Variants in FAM9B observed in about 807,000 individuals in gnomAD.
FAM9B encodes protein FAM9B.
FAM9B carries 18 observed loss-of-function variants against 16.6 expected under a neutral mutation model. That is an observed-to-expected ratio of 1.09 (90% CI 0.75 to 1.61). The LOEUF is 1.61. Among genes scored for constraint, FAM9B ranks in the 40% most tolerant of loss-of-function variants. FAM9B has a pLI of 0.00. For synonymous variants in FAM9B, 43 were observed against 42.6 expected (o/e 1.01, Z -0.03); for missense variants, 155 against 136.0 (o/e 1.14, Z -0.70).
At position 9,027,874 on chromosome X, in the gene FAM9B, G is replaced by A. The variant is rs140708668; in HGVS notation, c.486C>T (p.Phe162=). Residue 162 remains phenylalanine (F), a synonymous_variant, in exon 7 of 9, where the codon TTC becomes TTT. Transcript: ENST00000327220. ...LKEMKLLRDQ[F]VKALEDFEDL... is the part of the protein sequence containing the mutation. ...GTTACCAAATAGAACAGACCTTTAC[G>A]AATTGGTCACGTAGCAGCTTCATCT... 31 of 1,203,996 alleles carry A rather than the reference G, an allele frequency of 2.6e-5. No homozygotes were observed. In the African/African-American group the frequency reaches 4.9e-4, roughly 19 times the overall value.
intron 5 of FAM9B, among the ~76,000 whole-genome samples, chrX:9,029,868 T>G (rs1019488677): frequency 8.9e-6 from 1 of 112,341 alleles, no homozygotes; most frequent in African/African-American, 3.2e-5. Context: ...GAAAACAATT[T>G]AACTAAAATA....
At chrX:9,032,774 C>T (rs1366782117) in intron 2 of FAM9B, 185 bp downstream of exon 2, 6 of 639,545 alleles carry the variant, frequency 9.4e-6, no homozygotes, top group African/African-American at 6.7e-5. Flanking sequence ...GAGCCTTCCA[C>T]GGGGAAGCCT....
intron 1 of FAM9B, among the ~76,000 whole-genome samples, chrX:9,033,512 TGTC>T (rs1921156255): frequency 9.3e-6 from 1 of 107,391 alleles, no homozygotes; most frequent in African/African-American, 3.4e-5. Flanking sequence ...TGTCCTGTCC[TGTC>T]GGGCGGCCAG....
intron 1 of FAM9B, 45 bp downstream of exon 1, chrX:9,033,807 G>A: frequency 1.3e-6 from 1 of 751,617 alleles, no homozygotes; most frequent in Non-Finnish European, 1.6e-6. Flanking sequence ...GGTTCCCAGA[G>A]GGCCTCGTGC....
intron 7 of FAM9B, among the ~76,000 whole-genome samples, chrX:9,025,904 T>C (rs906526611): frequency 2.7e-5 from 3 of 110,683 alleles, no homozygotes; most frequent in Admixed American, 9.6e-5. Context: ...TGAAATATTA[T>C]ATTTTTTTTC....
Position 9,032,951 on chromosome X carries a change from G to A in FAM9B, c.28+8C>T, listed in dbSNP as rs1338505051. The A allele has an allele frequency of 5.0e-6, 6 of 1,209,921 alleles. No homozygotes were observed. In the East Asian group the frequency reaches 1.2e-4, roughly 24 times the overall value. ...ACCTTCTTCTGGGTCCCCTTGGGCT[G>A]TATTTACCTGCATGCTTCTTCCCCC... On this transcript the variant is annotated splice_region_variant and intron_variant, in intron 2 of 8. Coordinates refer to ENST00000327220, the MANE Select transcript of FAM9B (RefSeq NM_205849.3).
intron 6 of FAM9B, 65 bp downstream of exon 6, chrX:9,029,242 A>G: frequency 7.6e-6 from 7 of 920,741 alleles, no homozygotes; most frequent in Non-Finnish European, 1.1e-5. Flanking sequence ...GGATTTCTGC[A>G]TGAACTATTA....
intron 1 of FAM9B, 157 bp downstream of exon 1, chrX:9,033,695 A>AAACC: frequency 1.5e-5 from 1 of 65,862 alleles, no homozygotes; most frequent in Non-Finnish European, 1.8e-5. Context: ...ACCCCAGCCC[A>AAACC]CCCTAGCCCA....
chrX:9,033,991 G>C lies in FAM9B; in HGVS notation c.-229C>G, dbSNP rs978917449. 47 of 566,307 alleles carry C rather than the reference G, an allele frequency of 8.3e-5. No individual in the cohort carries two copies. The highest frequency in any genetic ancestry group is 9.8e-5 in the Non-Finnish European group (46 of 469,376). The allele number at this position is 566,307 out of a possible 1,213,427, so 46.7% of individuals were successfully genotyped here. A position where few individuals can be genotyped will look rare whatever the true frequency, so the allele number is the denominator to read the frequency against. ...GGAGGCGGAGGTTGCAGTGAGCCCA[G>C]ATCACACCACTGCACTGCAGCCTAG... On this transcript the variant is annotated 5_prime_UTR_variant, in exon 1 of 9. In the 5' UTR this introduces an upstream ATG that the reference lacks. Coordinates refer to ENST00000327220, the MANE Select transcript of FAM9B (RefSeq NM_205849.3).
rs1430490206 is a variant in FAM9B, at chrX:9,024,704, AAG to A, written c.*703_*704del. The A allele has an allele frequency of 8.9e-6, 1 of 112,369 alleles. No homozygotes were observed. The highest frequency in any genetic ancestry group is 2.8e-4 in the East Asian group (1 of 3,561). The allele number at this position is 112,369 out of a possible 1,213,427, so 9.3% of individuals were successfully genotyped here. A position where few individuals can be genotyped will look rare whatever the true frequency, so the allele number is the denominator to read the frequency against. Reference sequence around the variant, plus strand: ...GTCTTCTTCTTCTTGTTTTCTGAGAAAGAGTCTTGCTCTGTCGCCCAGGCTGG... The same window carrying A: ...GTCTTCTTCTTCTTGTTTTCTGAGAAAGTCTTGCTCTGTCGCCCAGGCTGG... On this transcript the variant is annotated 3_prime_UTR_variant, in exon 9 of 9. Coordinates refer to ENST00000327220, the MANE Select transcript of FAM9B (RefSeq NM_205849.3).
chrX:9,031,908 C>T (rs1371424728), intron 4 of FAM9B: 1 of 368,666 alleles, frequency 2.7e-6, no homozygotes, highest in Non-Finnish European at 4.8e-6. Context: ...AAAAGCCATC[C>T]ATCTCGCTTC....
chrX:9,029,913 T>C (rs2146823710), intron 5 of FAM9B, among the ~76,000 whole-genome samples: 1 of 112,509 alleles, frequency 8.9e-6, no homozygotes, highest in South Asian at 3.6e-4. Context: ...TATCCCTTTC[T>C]ACATAATTGA....
chrX:9,032,988 A>T lies in FAM9B; in HGVS notation c.-2T>A. 8.3e-7 allele frequency: 1 copy of T among 1,211,698 alleles called. No homozygotes were observed. The highest frequency in any genetic ancestry group is 1.8e-5 in the South Asian group (1 of 57,000). ...ATGCTTCTTCCCCCAGGCCGCCATA[A>T]ATTGAGCCTCCAACTGGGCCTTGGC... On this transcript the variant is annotated 5_prime_UTR_variant, in exon 2 of 9. Transcript: ENST00000327220.
Position 9,029,354 on chromosome X carries a change from C to T in FAM9B, c.346G>A (p.Glu116Lys), listed in dbSNP as rs749220187. 15 of 1,209,710 alleles carry T rather than the reference C, an allele frequency of 1.2e-5. No individual in the cohort carries two copies. The highest frequency in any genetic ancestry group is 1.7e-5 in the Non-Finnish European group (15 of 894,147). ...TCTTCTTCTTCTTCCTCTTTCTGCT[C>T]GTCTGTGATGTATTCTTCAAGGACA... Reference protein sequence around the residue: ...LNVLEEYITDEQKEEEEEEGE... With the variant: ...LNVLEEYITDKQKEEEEEEGE... The change falls in exon 6 of 9, where the codon GAG becomes AAG. Residue 116 changes from glutamate to lysine, a missense_variant. Glu to Lys is a moderately conservative substitution (Grantham distance 56, BLOSUM62 1). Coordinates refer to ENST00000327220, the MANE Select transcript of FAM9B (RefSeq NM_205849.3).
At chrX:9,033,439 C>T (rs1219978941) in intron 1 of FAM9B, 92 of 834,540 alleles carry the variant, frequency 1.1e-4, no homozygotes, top group Middle Eastern at 1.1e-3. Context: ...ATGTCAGGGG[C>T]TGCACTGCCA....
chrX:9,033,712 G>C, intron 1 of FAM9B, 140 bp downstream of exon 1: 2 of 120,486 alleles, frequency 1.7e-5, no homozygotes, highest in Non-Finnish European at 2.1e-5. Context: ...CCCACCCTCA[G>C]GGCCTCGCCC....
At chrX:9,030,163 G>C in intron 5 of FAM9B, 98 bp downstream of exon 5, 1 of 1,154,131 alleles carries the variant, frequency 8.7e-7, no homozygotes, top group Non-Finnish European at 1.2e-6. Context: ...GTTCACTAGA[G>C]ACGCCAATAT....
rs900849801 is a variant in FAM9B at position 9,032,564 on chromosome X, G to A, written c.29-103C>T. On this transcript the variant is annotated intron_variant, in intron 2 of 8. Transcript: ENST00000327220. ...GTTGTAGACTTTTTTGGGGGGGGGGGGCTCTCTGCCAATTAAAGCTTTAAA... is the reference window on the plus strand; with the variant it reads ...GTTGTAGACTTTTTTGGGGGGGGGGAGCTCTCTGCCAATTAAAGCTTTAAA... 71 of 445,197 alleles carry A rather than the reference G, an allele frequency of 1.6e-4. 2 individuals carry two copies. The highest frequency in any genetic ancestry group is 9.0e-4 in the South Asian group (27 of 30,100). The allele number at this position is 445,197 out of a possible 1,213,427, so 36.7% of individuals were successfully genotyped here.
chrX:9,033,171 C>G, intron 1 of FAM9B, 96 bp from the exon 2 acceptor site: 1 of 1,158,594 alleles, frequency 8.6e-7, no homozygotes, highest in Non-Finnish European at 1.2e-6. Context: ...TGGGGCTGGC[C>G]CGCCCTGGGT....
Sources: gnomAD v4.1 joint callset for allele counts (sites outside exome capture counted in the v4.1 genomes callset) on GRCh38, gnomAD v4.1.1 for gene constraint, MANE v1.5 for transcripts, NCBI Gene and HGNC (gene_info 2026-07-23, HGNC 2026-07-21) for gene names.